NCKAP5: variants seen among roughly 807,000 people sequenced by gnomAD.
NCKAP5 encodes the protein NCK associated protein 5.
NCKAP5 carries 92 observed loss-of-function variants against 167.0 expected under a neutral mutation model. The observed-to-expected ratio is 0.55, with a 90% CI of 0.47 to 0.66. The LOEUF is 0.66. Ranked by LOEUF, NCKAP5 falls within the 30% of genes least tolerant of loss-of-function variation. The pLI, the probability that NCKAP5 is intolerant of heterozygous loss-of-function variation, is 0.00. For missense variants in NCKAP5, 2,378 were observed against 2,315.0 expected (o/e 1.03, Z -0.56); for synonymous variants, 891 against 877.4 (o/e 1.02, Z -0.27).
At chr2:133,547,260 C>T (rs1686799809) in intron 2 of NCKAP5, among the ~76,000 whole-genome samples, 1 of 152,178 alleles carries the variant, frequency 6.6e-6, no homozygotes, top group African/African-American at 2.4e-5. Context: ...GCTAGCACAG[C>T]AGTCTGAGAT....
chr2:133,280,222 T>G (rs552055410), intron 4 of NCKAP5, among the ~76,000 whole-genome samples: 28 of 152,246 alleles, frequency 1.8e-4, no homozygotes, highest in African/African-American at 6.7e-4. Context: ...ACATGCATAT[T>G]TTTAAAGTTT....
intron 5 of NCKAP5, among the ~76,000 whole-genome samples, chr2:133,209,077 T>TA (rs11450964): frequency 0.72 from 109,106 of 151,578 alleles, 39,599 homozygotes; most frequent in Non-Finnish European, 0.75. Context: ...AAAATTACAT[T>TA]AAAAAACTAT....
chr2:132,785,177 G>C lies in NCKAP5; in HGVS notation c.1634C>G (p.Pro545Arg). 1 of 1,589,088 alleles carries C rather than the reference G, an allele frequency of 6.3e-7. No individual in the cohort carries two copies. Among genetic ancestry groups the C allele is most frequent in the East Asian group, 2.2e-5 (1 of 44,686 alleles). Residue 545 changes from proline to arginine, a missense_variant, in exon 14 of 20, where the codon CCC becomes CGC. Physicochemically the swap from Pro to Arg is moderately radical, Grantham distance 103 (BLOSUM62 -2). Around this residue, in one of 3 missense-constraint regions of NCKAP5, gnomAD observed 1,049 missense variants for 1,023.4 expected, o/e 1.02. Transcript: ENST00000409261. The part of the protein sequence containing the change: ...EKLTSCASSC[P>R]LEMKLCPSVQ... The stretch of plus-strand genomic sequence containing the variant: ...ACTTGGGCACAGCTTCATCTCTAAG[G>C]GACAGCTGCTGGCGCAACTTGTCAG...
chr2:132,831,244 C>A (rs1687503347), intron 11 of NCKAP5, among the ~76,000 whole-genome samples: 1 of 152,146 alleles, frequency 6.6e-6, no homozygotes, highest in Non-Finnish European at 1.5e-5. Flanking sequence ...TTGTTATGAA[C>A]AATGGGGCAA....
chr2:133,084,866 C>T (rs554557304), intron 6 of NCKAP5, among the ~76,000 whole-genome samples: 17 of 152,128 alleles, frequency 1.1e-4, no homozygotes, highest in African/African-American at 3.6e-4. Flanking sequence ...GACTTCATCG[C>T]CTTAAGTGGA....
At chr2:133,239,655 C>T (rs1398750571) in intron 4 of NCKAP5, among the ~76,000 whole-genome samples, 2 of 152,184 alleles carry the variant, frequency 1.3e-5, no homozygotes, top group East Asian at 3.8e-4. Context: ...TCAAATCCTG[C>T]TACCTTTTAT....
At chr2:133,404,648 T>C (rs1688310923) in intron 3 of NCKAP5, among the ~76,000 whole-genome samples, 1 of 152,382 alleles carries the variant, frequency 6.6e-6, no homozygotes, top group Middle Eastern at 3.4e-3. Context: ...AAGCGAGGAC[T>C]ACTGTTTTCT....
chr2:133,360,428 TGGGTACCCAGTGTAGAAATCTAACAG>T (rs1206246401), intron 3 of NCKAP5, among the ~76,000 whole-genome samples: 2 of 152,236 alleles, frequency 1.3e-5, no homozygotes, highest in African/African-American at 4.8e-5. Context: ...TTTGTTGCCA[TGGGTACCCAGTGTAGAAATCTAACAG>T]GAACAGAGAT....
chr2:133,333,495 T>C (rs1683008790), intron 3 of NCKAP5, among the ~76,000 whole-genome samples: 1 of 151,838 alleles, frequency 6.6e-6, no homozygotes, highest in Admixed American at 6.6e-5. Context: ...ACAAATAGAG[T>C]GTGGAAGTGA....
intron 3 of NCKAP5, among the ~76,000 whole-genome samples, chr2:133,307,097 A>G (rs991203591): frequency 1.8e-4 from 27 of 152,188 alleles, no homozygotes; most frequent in African/African-American, 5.5e-4. Context: ...GATACTATTA[A>G]ACTATTGTTA....
At chr2:133,408,483 C>T (rs145195125) in intron 3 of NCKAP5, among the ~76,000 whole-genome samples, 1 of 152,074 alleles carries the variant, frequency 6.6e-6, no homozygotes, top group Non-Finnish European at 1.5e-5. Flanking sequence ...GCTGACTCAC[C>T]CCCATCCCAA....
In NCKAP5 at chr2:133,563,894, G is replaced by C. The variant is rs1041514436; in HGVS notation, c.-130+4322C>G. Among the ~76,000 whole-genome samples the C allele has an allele frequency of 2.0e-5, 3 of 152,294 alleles. No homozygotes were observed. In the East Asian group the frequency reaches 5.8e-4, roughly 29 times the overall value. ...CATACCTGTAATCCCAGCACTTTGG[G>C]AGGCTGAGGCAGATGGATCATTTGA... is the stretch of plus-strand genomic sequence containing the variant. On this transcript the variant is annotated intron_variant, in intron 1 of 19. Coordinates refer to ENST00000409261, the MANE Select transcript of NCKAP5 (RefSeq NM_207363.3).
intron 19 of NCKAP5, among the ~76,000 whole-genome samples, chr2:132,709,466 A>G (rs1249923396): frequency 2.0e-5 from 3 of 152,056 alleles, no homozygotes; most frequent in Non-Finnish European, 4.4e-5. Context: ...TCTTAAAAAA[A>G]GAGAAATGAT....
chr2:133,602,101 C>T, the NCKAP5 span, among the ~76,000 whole-genome samples: 1 of 152,162 alleles, frequency 6.6e-6, no homozygotes, highest in Non-Finnish European at 1.5e-5. Flanking sequence ...GTAGAATGAC[C>T]TAGGCAACAA....
intron 3 of NCKAP5, among the ~76,000 whole-genome samples, chr2:133,451,750 G>C (rs1303816960): frequency 6.6e-6 from 1 of 152,152 alleles, no homozygotes; most frequent in Non-Finnish European, 1.5e-5. Flanking sequence ...AGAAAGCCTG[G>C]CATGAAAGTG....
the NCKAP5 span, among the ~76,000 whole-genome samples, chr2:133,605,965 A>C: frequency 4.6e-5 from 7 of 152,340 alleles, no homozygotes; most frequent in Admixed American, 4.6e-4. Context: ...ATACTCACTA[A>C]AATGGAAATT....
chr2:133,505,326 T>TCTG lies in NCKAP5; in HGVS notation c.69+12131_69+12132insCAG, dbSNP rs1227609721. On this transcript the variant is annotated intron_variant, in intron 3 of 19. Coordinates refer to ENST00000409261, the MANE Select transcript of NCKAP5 (RefSeq NM_207363.3). ...CCTGTAGTAAACACCTGGGTAAACA[T>TCTG]TTCTGGCAGATAACATCATGGATAT... Among the ~76,000 whole-genome samples, 3 of 152,148 alleles carry TCTG rather than the reference T, an allele frequency of 2.0e-5. No individual in the cohort carries two copies. In the East Asian group the frequency reaches 5.8e-4, roughly 29 times the overall value.
chr2:133,440,444 C>T (rs1374077211), intron 3 of NCKAP5, among the ~76,000 whole-genome samples: 1 of 152,134 alleles, frequency 6.6e-6, no homozygotes, highest in African/African-American at 2.4e-5. Context: ...GGCCCAGTGG[C>T]TCACACCTGT....
chr2:132,876,722 A>G (rs1691312254), intron 9 of NCKAP5, among the ~76,000 whole-genome samples: 2 of 152,216 alleles, frequency 1.3e-5, no homozygotes. Flanking sequence ...CTTTGGCAAC[A>G]GTTAATTTTT....
Sources: allele counts gnomAD v4.1 joint callset (sites outside exome capture counted in the v4.1 genomes callset), GRCh38; gene constraint gnomAD v4.1.1; regional missense constraint gnomAD v4.1.1; transcripts MANE v1.5; gene names NCBI Gene and HGNC (gene_info 2026-07-23, HGNC 2026-07-21).